Variants in L3MBTL4 observed in about 807,000 individuals in gnomAD.
L3MBTL4 encodes lethal(3)malignant brain tumor-like protein 4.
In L3MBTL4, 70 loss-of-function variants were observed where a neutral mutation model predicts 84.5. The ratio of observed to expected loss-of-function variants is 0.83; its 90% CI spans 0.68 to 1.01. The LOEUF is 1.01. Among genes scored for constraint, L3MBTL4 ranks in the 50% least tolerant of loss-of-function variants. The pLI is 0.00. For synonymous variants in L3MBTL4, 274 were observed against 259.8 expected (o/e 1.05, Z -0.52); for missense variants, 715 against 754.8 (o/e 0.95, Z 0.62).
At chr18:6,364,540 G>A (rs1050570967) in intron 1 of L3MBTL4, among the ~76,000 whole-genome samples, 1 of 151,894 alleles carries the variant, frequency 6.6e-6, no homozygotes, top group Non-Finnish European at 1.5e-5. Context: ...AAGCTTTATT[G>A]TTACCTCCGA....
chr18:6,235,461 CTG>C (rs1249004822), intron 10 of L3MBTL4, among the ~76,000 whole-genome samples: 13 of 152,110 alleles, frequency 8.5e-5, no homozygotes, highest in Non-Finnish European at 1.8e-4. Flanking sequence ...GGTAAACAAA[CTG>C]TGGTATGTAC....
At chr18:6,406,551 G>T (rs918831207) in intron 1 of L3MBTL4, among the ~76,000 whole-genome samples, 3 of 152,068 alleles carry the variant, frequency 2.0e-5, no homozygotes, top group Non-Finnish European at 4.4e-5. Context: ...TCAGGACTTC[G>T]GGTGATTTTA....
chr18:5,963,992 G>A (rs536855872), intron 17 of L3MBTL4, among the ~76,000 whole-genome samples: 1 of 152,316 alleles, frequency 6.6e-6, no homozygotes, highest in South Asian at 2.1e-4. Flanking sequence ...CATGCTGTTG[G>A]AGCCCAGTGG....
intron 14 of L3MBTL4, among the ~76,000 whole-genome samples, chr18:6,128,029 T>TG (rs1359746684): frequency 1.4e-3 from 88 of 64,796 alleles, no homozygotes; most frequent in Non-Finnish European, 1.7e-3. Flanking sequence ...ACAAAAATAT[T>TG]GGGTGGGGCG....
chr18:6,118,993 C>CTTTTTTTTTTTTTTTTTTT (rs779523685), intron 14 of L3MBTL4, among the ~76,000 whole-genome samples: 1 of 83,710 alleles, frequency 1.2e-5, no homozygotes, highest in Non-Finnish European at 2.3e-5. Context: ...TTTTTGGTTT[C>CTTTTTTTTTTTTTTTTTTT]TTTTTTTTTT....
chr18:5,997,053 G>GA (rs1327531333), intron 16 of L3MBTL4, among the ~76,000 whole-genome samples: 1 of 141,980 alleles, frequency 7.0e-6, no homozygotes, highest in Non-Finnish European at 1.5e-5. Flanking sequence ...AAATACTTGG[G>GA]AAAAAACTAA....
chr18:6,311,168 G>C (rs1200728466), intron 3 of L3MBTL4, among the ~76,000 whole-genome samples: 1 of 151,340 alleles, frequency 6.6e-6, no homozygotes, highest in African/African-American at 2.4e-5. Context: ...CTCTCGCTCT[G>C]TGTGTGTGTG....
chr18:6,245,176 G>A (rs1481558417), intron 5 of L3MBTL4, among the ~76,000 whole-genome samples: 1 of 152,124 alleles, frequency 6.6e-6, no homozygotes, highest in African/African-American at 2.4e-5. Flanking sequence ...TGGGATTACA[G>A]GCCACCACGC....
chr18:6,305,863 G>C (rs1197937642), intron 3 of L3MBTL4, among the ~76,000 whole-genome samples: 9 of 152,282 alleles, frequency 5.9e-5, no homozygotes, highest in Middle Eastern at 3.4e-3. Context: ...ACGTTTCTCT[G>C]TCTATGAATT....
At chr18:6,097,748 C>T (rs971053517) in intron 14 of L3MBTL4, among the ~76,000 whole-genome samples, 1 of 152,212 alleles carries the variant, frequency 6.6e-6, no homozygotes, top group African/African-American at 2.4e-5. Flanking sequence ...TCAGCATCCA[C>T]TTTGATCCCT....
chr18:5,961,287 C>T (rs1025646625), intron 17 of L3MBTL4, among the ~76,000 whole-genome samples: 2 of 152,170 alleles, frequency 1.3e-5, no homozygotes, highest in African/African-American at 2.4e-5. Flanking sequence ...AGTCAGCAGA[C>T]GCTGCCCCTG....
At chr18:6,128,851 A>G (rs2059784735) in intron 14 of L3MBTL4, among the ~76,000 whole-genome samples, 1 of 152,178 alleles carries the variant, frequency 6.6e-6, no homozygotes, top group African/African-American at 2.4e-5. Flanking sequence ...CTGGAGAGAA[A>G]GCAGTTCAGA....
chr18:6,360,072 TGTTAAAGCCA>T (rs1486848898), intron 1 of L3MBTL4, among the ~76,000 whole-genome samples: 1 of 152,214 alleles, frequency 6.6e-6, no homozygotes, highest in Non-Finnish European at 1.5e-5. Flanking sequence ...ATAAGGAGAA[TGTTAAAGCCA>T]GTTGAGGCTA....
chr18:6,331,447 A>G (rs1568504545), intron 1 of L3MBTL4, among the ~76,000 whole-genome samples: 2 of 152,174 alleles, frequency 1.3e-5, no homozygotes, highest in Non-Finnish European at 2.9e-5. Context: ...CAATACCTCA[A>G]CAACCTGGGA....
At chr18:6,362,213 GAGGGA>G (rs1372673601) in intron 1 of L3MBTL4, among the ~76,000 whole-genome samples, 2 of 115,214 alleles carry the variant, frequency 1.7e-5, no homozygotes, top group Non-Finnish European at 3.5e-5. Flanking sequence ...GGGAAGGAGG[GAGGGA>G]GGGGAGGGGA....
At chr18:6,153,362 C>T (rs1409057343) in intron 13 of L3MBTL4, among the ~76,000 whole-genome samples, 1 of 151,978 alleles carries the variant, frequency 6.6e-6, no homozygotes, top group Non-Finnish European at 1.5e-5. Flanking sequence ...GGATATCTTC[C>T]CATTTATTTT....
At chr18:6,414,971 G>T (rs1034906148), upstream of L3MBTL4, 3 of 151,068 alleles carry the variant, frequency 2.0e-5, no homozygotes, top group African/African-American at 4.8e-5. The surrounding 1 kb of genome is among the most constrained non-coding windows in gnomAD (Gnocchi z 5.4). Context: ...CCCCCTGCCC[G>T]CCCCGCGCGC....
In L3MBTL4 at chr18:5,955,186, C is replaced by A. The variant is rs1227718470; in HGVS notation, c.*1034G>T. ...TTCCACACAACTTAAGCCTCCGATA[C>A]AATCACTTACAAAAAACAAATAAGG... On this transcript the variant is annotated 3_prime_UTR_variant, in exon 19 of 19. Coordinates refer to ENST00000317931, the MANE Select transcript of L3MBTL4 (RefSeq NM_001330559.2). The A allele has an allele frequency of 6.6e-6, 1 of 152,168 alleles. No homozygotes were observed. The highest frequency in any genetic ancestry group is 1.5e-5 in the Non-Finnish European group (1 of 68,038). The allele number at this position is 152,168 out of a possible 1,614,324, so 9.4% of individuals were successfully genotyped here.
chr18:6,370,218 A>G (rs1219977926), intron 1 of L3MBTL4, among the ~76,000 whole-genome samples: 1 of 151,602 alleles, frequency 6.6e-6, no homozygotes, highest in Non-Finnish European at 1.5e-5. Flanking sequence ...TGAGATTTTT[A>G]TCCGGTCGGT....
Sources: allele counts gnomAD v4.1 joint callset (sites outside exome capture counted in the v4.1 genomes callset), GRCh38; gene constraint gnomAD v4.1.1; non-coding constraint Gnocchi (gnomAD v3.1); transcripts MANE v1.5; gene names NCBI Gene and HGNC (gene_info 2026-07-23, HGNC 2026-07-21).